The following RIT2 variants were observed in gnomAD, a reference collection of about 807,000 sequenced individuals.
The protein encoded by RIT2 is Ras like without CAAX 2, also known as GTP-binding protein Rit2.
A neutral mutation model predicts 23.7 loss-of-function variants in RIT2; 24 were observed. The ratio of observed to expected loss-of-function variants is 1.01; its 90% CI spans 0.73 to 1.43. The LOEUF (loss-of-function observed/expected upper bound fraction) is 1.43, where lower values mean the gene tolerates loss of function less well. RIT2 is among the 40% of genes most tolerant of loss of function. The pLI is 0.00. For synonymous variants in RIT2, 107 were observed against 91.1 expected (o/e 1.17, Z -0.99); for missense variants, 236 against 266.9 (o/e 0.88, Z 0.81).
intron 3 of RIT2, among the ~76,000 whole-genome samples, chr18:42,934,346 G>T (rs1309305895): frequency 6.6e-6 from 1 of 152,048 alleles, no homozygotes; most frequent in East Asian, 1.9e-4. Context: ...GAATCATTTT[G>T]ATCCAGTTAT....
intron 1 of RIT2, among the ~76,000 whole-genome samples, chr18:43,041,017 T>A (rs910283466): frequency 2.0e-5 from 3 of 152,230 alleles, no homozygotes; most frequent in Middle Eastern, 3.4e-3. Context: ...GCTAGAAATA[T>A]ATGTATAATT....
intron 3 of RIT2, among the ~76,000 whole-genome samples, chr18:42,971,838 C>T (rs1309819551): frequency 6.6e-6 from 1 of 152,020 alleles, no homozygotes; most frequent in Non-Finnish European, 1.5e-5. Flanking sequence ...CCAAGACTAG[C>T]AGATTGTCTC....
intron 1 of RIT2, among the ~76,000 whole-genome samples, chr18:43,050,342 T>C (rs1912350645): frequency 6.6e-6 from 1 of 152,012 alleles, no homozygotes; most frequent in South Asian, 2.1e-4. Flanking sequence ...AATTGATTTT[T>C]GAAAATAAAA....
intron 4 of RIT2, among the ~76,000 whole-genome samples, chr18:42,892,845 C>T (rs565132489): frequency 1.3e-5 from 2 of 152,254 alleles, no homozygotes; most frequent in South Asian, 4.1e-4. Flanking sequence ...GTTGTGTTAG[C>T]AGTTCTCTGG....
intron 4 of RIT2, among the ~76,000 whole-genome samples, chr18:42,855,748 C>T (rs1397988561): frequency 2.6e-5 from 4 of 152,112 alleles, no homozygotes; most frequent in African/African-American, 9.7e-5. Flanking sequence ...CATTTTGAAT[C>T]CTGTTTTTTC....
At chr18:43,021,361 T>C (rs1402704753) in intron 2 of RIT2, among the ~76,000 whole-genome samples, 1 of 152,032 alleles carries the variant, frequency 6.6e-6, no homozygotes, top group African/African-American at 2.4e-5. Flanking sequence ...AGAATAAGTA[T>C]TATCAAGTAG....
intron 2 of RIT2, among the ~76,000 whole-genome samples, chr18:42,979,629 C>T (rs1164858504): frequency 1.3e-5 from 2 of 152,128 alleles, no homozygotes; most frequent in Admixed American, 6.6e-5. Context: ...TATCTTGCAA[C>T]GTACTGTGCT....
chr18:43,057,798 C>CTTTTTTT (rs11393575), intron 1 of RIT2, among the ~76,000 whole-genome samples: 22 of 122,660 alleles, frequency 1.8e-4, no homozygotes, highest in African/African-American at 2.1e-4. Flanking sequence ...GTGATGGACA[C>CTTTTTTT]TTTTTTTTTT....
intron 3 of RIT2, among the ~76,000 whole-genome samples, chr18:42,945,030 T>G (rs192703535): frequency 3.3e-5 from 5 of 152,166 alleles, no homozygotes; most frequent in African/African-American, 9.6e-5. Flanking sequence ...CTAAGAAAAC[T>G]CAAACATTAG....
At chr18:42,925,407 G>T (rs972190632) in intron 3 of RIT2, among the ~76,000 whole-genome samples, 5 of 151,872 alleles carry the variant, frequency 3.3e-5, no homozygotes, top group South Asian at 4.1e-4. Flanking sequence ...CTTTGGAAAA[G>T]AAATTATAAA....
intron 2 of RIT2, among the ~76,000 whole-genome samples, chr18:43,007,864 G>A (rs556873141): frequency 6.6e-6 from 1 of 151,764 alleles, no homozygotes; most frequent in South Asian, 2.1e-4. Context: ...TGATCAAATA[G>A]CATTGGTCAT....
intron 1 of RIT2, among the ~76,000 whole-genome samples, chr18:43,042,900 G>C (rs940857487): frequency 5.9e-5 from 9 of 151,920 alleles, no homozygotes; most frequent in Non-Finnish European, 1.2e-4. Flanking sequence ...ATGGTAGGTA[G>C]GATAAAATTC....
chr18:42,868,387 GGCTAGGTTCA>G (rs1449339205), intron 4 of RIT2, among the ~76,000 whole-genome samples: 1 of 152,134 alleles, frequency 6.6e-6, no homozygotes, highest in Admixed American at 6.6e-5. Context: ...AGGGAGAAAT[GGCTAGGTTCA>G]GCTGTGAAAA....
rs560703246 is a variant in RIT2, at chr18:42,754,900, C to A, written c.427-11180G>T. 2.6e-5 allele frequency among the ~76,000 whole-genome samples: 4 copies of A among 152,202 alleles called. No homozygotes were observed. In the South Asian group the frequency reaches 8.3e-4, roughly 32 times the overall value. ...TGTATTTTTGCTATATTGTGGGCTT[C>A]GGCAAATGCCTACAATTGTGCTACA... On this transcript the variant is annotated intron_variant, in intron 4 of 4. Coordinates refer to ENST00000326695, the MANE Select transcript of RIT2 (RefSeq NM_002930.4).
Position 42,892,168 on chromosome 18 carries a change from T to C in RIT2, c.426+31404A>G, listed in dbSNP as rs74969872. ...TGCTCGCCTCCTCCAATCTACGTTA[T>C]AATCTTTTGCTTCTGAACTCTGTAG... is the stretch of plus-strand genomic sequence containing the variant. On this transcript the variant is annotated intron_variant, in intron 4 of 4. Coordinates refer to ENST00000326695, the MANE Select transcript of RIT2 (RefSeq NM_002930.4). Among the ~76,000 whole-genome samples the C allele has an allele frequency of 6.3e-3, 957 of 152,302 alleles. 6 individuals are homozygous for C. The highest frequency in any genetic ancestry group is 0.021 in the African/African-American group (884 of 41,576).
intron 4 of RIT2, among the ~76,000 whole-genome samples, chr18:42,753,136 T>C (rs546140683): frequency 1.9e-4 from 29 of 152,302 alleles, no homozygotes; most frequent in African/African-American, 6.7e-4. Flanking sequence ...AGGCAGAGCC[T>C]GTTCTAGTCC....
intron 2 of RIT2, among the ~76,000 whole-genome samples, chr18:43,000,736 A>G (rs932157195): frequency 1.3e-5 from 2 of 151,974 alleles, no homozygotes; most frequent in African/African-American, 2.4e-5. Flanking sequence ...CCCTGCAGCC[A>G]TGTAAGATGT....
At chr18:43,069,296 T>C (rs1397417338) in intron 1 of RIT2, among the ~76,000 whole-genome samples, 6 of 152,090 alleles carry the variant, frequency 3.9e-5, no homozygotes, top group African/African-American at 1.4e-4. Context: ...ACTCTGTCTA[T>C]GGAGTAGCTA....
chr18:42,951,477 A>C (rs1209128988), intron 3 of RIT2, among the ~76,000 whole-genome samples: 1 of 152,048 alleles, frequency 6.6e-6, no homozygotes, highest in Non-Finnish European at 1.5e-5. Flanking sequence ...GCTGGATGCT[A>C]TTCTCTGTAC....
Sources: gnomAD v4.1 joint callset for allele counts (sites outside exome capture counted in the v4.1 genomes callset) on GRCh38, gnomAD v4.1.1 for gene constraint, MANE v1.5 for transcripts, NCBI Gene and HGNC (gene_info 2026-07-23, HGNC 2026-07-21) for gene names.